Variants in RCC2 observed in about 807,000 individuals in gnomAD.
The protein encoded by RCC2 is protein RCC2.
A neutral mutation model predicts 64.1 loss-of-function variants in RCC2; 19 were observed. The ratio of observed to expected loss-of-function variants is 0.30; its 90% CI spans 0.21 to 0.44. The LOEUF is 0.44. RCC2 is among the 20% of genes least tolerant of loss of function. The pLI, the probability that RCC2 is intolerant of heterozygous loss-of-function variation, is 1.00. For synonymous variants in RCC2, 325 were observed against 279.6 expected (o/e 1.16, Z -1.62); for missense variants, 508 against 710.4 (o/e 0.72, Z 3.24).
intron 8 of RCC2, among the ~76,000 whole-genome samples, chr1:17,414,643 C>T (rs533655798): frequency 2.2e-4 from 33 of 152,012 alleles, no homozygotes; most frequent in Admixed American, 5.9e-4. Context: ...TTTCTTTTCC[C>T]CCCCTCGAGA....
At chr1:17,420,046 C>G (rs941032951) in intron 7 of RCC2, among the ~76,000 whole-genome samples, 11 of 152,210 alleles carry the variant, frequency 7.2e-5, no homozygotes, top group African/African-American at 2.7e-4. Context: ...CGCGCCACAC[C>G]TCGCGGAGGC....
rs2075407511 is a variant in RCC2 at position 17,410,004 on chromosome 1, T to C, written c.1434A>G (p.Val478=). The change falls in exon 12 of 13, where the codon GTA becomes GTG. Residue 478 remains valine (V), a synonymous_variant. Transcript: ENST00000375436. ...KPKSSTAAQE[V]KTLDGIFSEQ... ...CTGAGAAAATGCCATCCAGAGTCTT[T>C]ACCTCCTGGGCTGCAGTGGAAGACT... The C allele has an allele frequency of 6.2e-7, 1 of 1,613,998 alleles. No homozygotes were observed.
rs1570218675 is a variant in RCC2, at chr1:17,438,454, C to T, written c.61G>A (p.Ala21Thr). 7.6e-7 allele frequency: 1 copy of T among 1,310,264 alleles called. No homozygotes were observed. The highest frequency in any genetic ancestry group is 9.7e-7 in the Non-Finnish European group (1 of 1,033,534). The allele number at this position is 1,310,264 out of a possible 1,614,324, so 81.2% of individuals were successfully genotyped here. ...WEEPSSGNGT[A>T]RAGPRKRGGP... ...CCGCGTTTCCTGGGCCCGGCGCGGG[C>T]AGTGCCGTTGCCCGAGCTCGGCTCC... The change falls in exon 2 of 13, where the codon GCC (alanine) becomes ACC (threonine). Residue 21 changes from alanine (A) to threonine (T), a missense_variant. By Grantham distance (58) the Ala-to-Thr change is moderately conservative. Transcript: ENST00000375436.
rs182754971 is a variant in RCC2 at position 17,411,632 on chromosome 1, A to C, written c.1386+490T>G. On this transcript the variant is annotated intron_variant, in intron 11 of 12. Transcript: ENST00000375436. ...TAGCACCAGGATCTAAGAATGAAAG[A>C]CATTTGTTTGCGGAAGGCCACGTGT... Among the ~76,000 whole-genome samples the C allele has an allele frequency of 1.3e-4, 20 of 152,164 alleles. No homozygotes were observed. In the South Asian group the frequency reaches 2.1e-3, roughly 16 times the overall value.
chr1:17,427,886 G>C (rs547682145), intron 3 of RCC2, among the ~76,000 whole-genome samples: 1 of 152,266 alleles, frequency 6.6e-6, no homozygotes, highest in South Asian at 2.1e-4. Flanking sequence ...CAGGCTCTGC[G>C]GTCAGACTGA....
intron 11 of RCC2, among the ~76,000 whole-genome samples, chr1:17,411,281 C>T (rs1398106464): frequency 1.3e-5 from 2 of 152,102 alleles, no homozygotes. Flanking sequence ...AACAAAAACT[C>T]AAAGACCCGC....
At chr1:17,420,571 C>T (rs149236829) in intron 7 of RCC2, 143 bp downstream of exon 7, 4 of 498,906 alleles carry the variant, frequency 8.0e-6, no homozygotes, top group African/African-American at 3.9e-5. Context: ...TTCTGCTGAA[C>T]GTGAGATCCA....
At chr1:17,419,920 G>C (rs773972713) in intron 7 of RCC2, among the ~76,000 whole-genome samples, 3 of 152,210 alleles carry the variant, frequency 2.0e-5, no homozygotes, top group Non-Finnish European at 2.9e-5. Flanking sequence ...AGTATATTTA[G>C]TTTCACAAAG....
chr1:17,420,690 C>A, intron 7 of RCC2, 24 bp downstream of exon 7: 1 of 1,467,340 alleles, frequency 6.8e-7, no homozygotes, highest in South Asian at 1.2e-5. Flanking sequence ...GATTACAGAG[C>A]TTTTAAAAAA....
intron 2 of RCC2, among the ~76,000 whole-genome samples, chr1:17,431,992 G>C (rs769629374): frequency 9.9e-5 from 15 of 152,076 alleles, no homozygotes; most frequent in Non-Finnish European, 1.9e-4. Flanking sequence ...GGAAGCTGAG[G>C]CAAGAGAATC....
intron 5 of RCC2, 65 bp downstream of exon 5, chr1:17,422,640 T>G: frequency 6.3e-7 from 1 of 1,592,174 alleles, no homozygotes; most frequent in Non-Finnish European, 8.6e-7. Context: ...CCACGCCCCA[T>G]CCCCAAGGCA....
chr1:17,425,839 T>C (rs1049620113), intron 3 of RCC2, among the ~76,000 whole-genome samples, 155 bp from the exon 4 acceptor site: 1 of 152,116 alleles, frequency 6.6e-6, no homozygotes, highest in Non-Finnish European at 1.5e-5. Flanking sequence ...TGCACAAGGA[T>C]CGGGTTTTCA....
chr1:17,417,743 G>A (rs1485041854), intron 7 of RCC2, among the ~76,000 whole-genome samples: 1 of 151,914 alleles, frequency 6.6e-6, no homozygotes, highest in African/African-American at 2.4e-5. Context: ...CCCGGCTTGT[G>A]GCTAATCCCC....
chr1:17,413,183 G>A lies in RCC2; in HGVS notation c.1208-5C>T, dbSNP rs773772438. 27 of 1,597,468 alleles carry A rather than the reference G, an allele frequency of 1.7e-5. No individual in the cohort carries two copies. The Admixed American group carries it at 4.0e-4, about 24-fold the overall frequency. On this transcript the variant is annotated splice_polypyrimidine_tract_variant and splice_region_variant and intron_variant, in intron 9 of 12. Coordinates refer to ENST00000375436, the MANE Select transcript of RCC2 (RefSeq NM_018715.4). ...CCCCCCAGAAAAACAGACCACCTAA[G>A]GGAAGACAAAACATGTTCCCAGCGT...
chr1:17,420,506 T>C (rs2075544275), intron 7 of RCC2, among the ~76,000 whole-genome samples: 2 of 152,146 alleles, frequency 1.3e-5, no homozygotes, highest in Admixed American at 1.3e-4. Flanking sequence ...AGTCCCAACT[T>C]TTCCATTGAG....
At position 17,433,845 on chromosome 1, in the gene RCC2, A is replaced by ATCT. The variant is rs1263232375; in HGVS notation, c.285+4384_285+4385insAGA. On this transcript the variant is annotated intron_variant, in intron 2 of 12. Coordinates refer to ENST00000375436, the MANE Select transcript of RCC2 (RefSeq NM_018715.4). ...AAGACCGCTGCTCCGGGGAGGTAAG[A>ATCT]CCCCCGGGAACAATGCCGGCATCGA... Among the ~76,000 whole-genome samples the ATCT allele has an allele frequency of 1.9e-3, 294 of 151,860 alleles. 3 individuals carry two copies. The East Asian group carries it at 0.032, about 16-fold the overall frequency.
At chr1:17,438,636 TGGCGGCCGCAG>T in intron 1 of RCC2, 114 bp from the exon 2 acceptor site, 2 of 1,099,826 alleles carry the variant, frequency 1.8e-6, no homozygotes, top group African/African-American at 1.6e-5. Flanking sequence ...CTCCCCAAAG[TGGCGGCCGCAG>T]GGTGGGCGGA....
intron 7 of RCC2, among the ~76,000 whole-genome samples, chr1:17,418,525 C>T (rs534323546): frequency 2.6e-5 from 4 of 152,172 alleles, no homozygotes; most frequent in East Asian, 1.9e-4. Context: ...GGTGTGGTGG[C>T]GCACGCCTGT....
rs2075381461 is a variant in RCC2 at position 17,407,984 on chromosome 1, G to A, written c.*1106C>T. ...AGCTCGGGCACTTGACGAGGACGCA[G>A]GTGGCAGTCACAGCATCCGTGCTGA... On this transcript the variant is annotated 3_prime_UTR_variant, in exon 13 of 13. Transcript: ENST00000375436. 1 of 152,472 alleles carries A rather than the reference G, an allele frequency of 6.6e-6. No homozygotes were observed. Among genetic ancestry groups the A allele is most frequent in the Non-Finnish European group, 1.5e-5 (1 of 68,102 alleles). 9.4% of individuals were successfully genotyped at this position (152,472 alleles called of 1,614,324 possible). A position where few individuals can be genotyped will look rare whatever the true frequency, so the allele number is the denominator to read the frequency against.
Sources: allele counts gnomAD v4.1 joint callset (sites outside exome capture counted in the v4.1 genomes callset), GRCh38; gene constraint gnomAD v4.1.1; transcripts MANE v1.5; gene names NCBI Gene and HGNC (gene_info 2026-07-23, HGNC 2026-07-21).